The following RIPOR2 variants were observed in gnomAD, a reference collection of about 807,000 sequenced individuals.
RIPOR2 encodes RHO family interacting cell polarization regulator 2.
In RIPOR2, 39 loss-of-function variants were observed where a neutral mutation model predicts 114.5. That is an observed-to-expected ratio of 0.34 (90% CI 0.26 to 0.44). The LOEUF (loss-of-function observed/expected upper bound fraction) is 0.44, where lower values mean the gene tolerates loss of function less well. Ranked by LOEUF, RIPOR2 falls within the 20% of genes least tolerant of loss-of-function variation. The pLI is 1.00. For missense variants in RIPOR2, 1,007 were observed against 1,255.1 expected (o/e 0.80, Z 2.99); for synonymous variants, 445 against 484.4 (o/e 0.92, Z 1.07).
At chr6:24,931,315 G>A (rs1771376484) in intron 1 of RIPOR2, among the ~76,000 whole-genome samples, 1 of 152,122 alleles carries the variant, frequency 6.6e-6, no homozygotes, top group African/African-American at 2.4e-5. Context: ...TGTGTTAAGT[G>A]TTTTGTAGTC....
At chr6:25,000,391 G>A (rs1168447736) in intron 1 of RIPOR2, among the ~76,000 whole-genome samples, 1 of 152,170 alleles carries the variant, frequency 6.6e-6, no homozygotes, top group African/African-American at 2.4e-5. Flanking sequence ...AGGGCAGGGA[G>A]TGTATCCTGT....
intron 1 of RIPOR2, among the ~76,000 whole-genome samples, chr6:25,021,777 C>A (rs769117678): frequency 2.0e-4 from 31 of 152,182 alleles, no homozygotes; most frequent in Non-Finnish European, 4.6e-4. Context: ...TCCCAAAAAA[C>A]CTATAGAATT....
intron 1 of RIPOR2, among the ~76,000 whole-genome samples, chr6:25,004,159 A>G (rs1206523650): frequency 1.3e-5 from 2 of 152,230 alleles, no homozygotes; most frequent in African/African-American, 4.8e-5. Flanking sequence ...ACCTCAAAAA[A>G]GCACTAAATC....
intron 1 of RIPOR2, among the ~76,000 whole-genome samples, chr6:24,965,126 A>T (rs184935986): frequency 3.6e-3 from 194 of 54,010 alleles, no homozygotes; most frequent in African/African-American, 6.2e-3. Context: ...TCTGAGCTAC[A>T]TTTTTTTATT....
chr6:24,861,799 A>T (rs907320091), intron 7 of RIPOR2, among the ~76,000 whole-genome samples: 2 of 152,254 alleles, frequency 1.3e-5, no homozygotes, highest in Admixed American at 6.5e-5. Flanking sequence ...ATTTGATCAT[A>T]TGAGAGAGAG....
At chr6:24,909,520 G>C (rs1769336408) in intron 1 of RIPOR2, among the ~76,000 whole-genome samples, 1 of 151,944 alleles carries the variant, frequency 6.6e-6, no homozygotes, top group Non-Finnish European at 1.5e-5. Flanking sequence ...GAAGGAGGTG[G>C]GTACACTCTC....
intron 1 of RIPOR2, among the ~76,000 whole-genome samples, chr6:24,946,208 A>G (rs1041632784): frequency 1.6e-4 from 24 of 151,686 alleles, no homozygotes; most frequent in Non-Finnish European, 3.5e-4. Flanking sequence ...TCAGCCTCCC[A>G]AATAGCTGGG....
chr6:24,994,547 C>T lies in RIPOR2; in HGVS notation c.76+47304G>A, dbSNP rs140273622. On this transcript the variant is annotated intron_variant, in intron 1 of 13. Coordinates refer to the RIPOR2 transcript ENST00000510784. ...CCATTGCTGCTCCCTAGCCCACTTT[C>T]GATTTTTCTACCTTTATTCTCACCT... Among the ~76,000 whole-genome samples the T allele has an allele frequency of 1.1e-3, 160 of 152,276 alleles. No individual in the cohort carries two copies. In the Middle Eastern group the frequency reaches 0.014, roughly 13 times the overall value.
chr6:24,906,732 G>C (rs1350894915), intron 1 of RIPOR2, among the ~76,000 whole-genome samples: 1 of 152,132 alleles, frequency 6.6e-6, no homozygotes, highest in African/African-American at 2.4e-5. Context: ...GACCTTCCAG[G>C]CTCAAGCGAT....
At chr6:24,910,345 G>GCTCA (rs1176354385) in intron 1 of RIPOR2, among the ~76,000 whole-genome samples, 8 of 152,168 alleles carry the variant, frequency 5.3e-5, no homozygotes, top group South Asian at 4.1e-4. Context: ...GGGGGCAAAT[G>GCTCA]AAGACCCTTG....
Position 24,839,346 on chromosome 6 carries a change from G to T in RIPOR2, c.1858-74C>A, listed in dbSNP as rs1761406210. The T allele has an allele frequency of 4.1e-6, 6 of 1,464,186 alleles. No individual in the cohort carries two copies. In the South Asian group the frequency reaches 7.1e-5, roughly 17 times the overall value. 90.7% of individuals were successfully genotyped at this position (1,464,186 alleles called of 1,614,324 possible). A position where few individuals can be genotyped will look rare whatever the true frequency, so the allele number is the denominator to read the frequency against. ...GAAACCAGACACACGATGCTCAATT[G>T]GAGATGCCACACTTTTTTTTTTGTT... On this transcript the variant is annotated intron_variant, in intron 13 of 21. Coordinates refer to ENST00000643898, the MANE Select transcript of RIPOR2 (RefSeq NM_001286445.3).
At chr6:24,817,760 T>TCACGA (rs1220054851) in intron 20 of RIPOR2, among the ~76,000 whole-genome samples, 1 of 152,152 alleles carries the variant, frequency 6.6e-6, no homozygotes, top group African/African-American at 2.4e-5. Context: ...CTCTCCCTGC[T>TCACGA]CACGACACCT....
At chr6:24,945,542 A>G (rs1772362221) in intron 1 of RIPOR2, among the ~76,000 whole-genome samples, 1 of 152,224 alleles carries the variant, frequency 6.6e-6, no homozygotes, top group Admixed American at 6.5e-5. Context: ...AACAATAATT[A>G]TACATCTGTG....
chr6:24,966,883 A>G (rs900021430), intron 1 of RIPOR2, among the ~76,000 whole-genome samples: 27 of 152,322 alleles, frequency 1.8e-4, no homozygotes, highest in Admixed American at 1.7e-3. Flanking sequence ...AGTATCCGCT[A>G]TATGATAAGA....
intron 1 of RIPOR2, among the ~76,000 whole-genome samples, chr6:25,021,074 G>A (rs565066882): frequency 1.4e-4 from 22 of 152,132 alleles, no homozygotes; most frequent in Non-Finnish European, 3.2e-4. Context: ...GGCCAGGCTG[G>A]TCTCGAACTC....
exon 1 of RIPOR2, chr6:25,041,865 C>T: frequency 1.4e-6 from 1 of 702,870 alleles, no homozygotes; most frequent in East Asian, 2.7e-5. Context: ...GAGCTGGCGC[C>T]TCCGGATCCT....
At chr6:24,865,188 C>G in intron 7 of RIPOR2, 113 bp downstream of exon 7, 1 of 837,210 alleles carries the variant, frequency 1.2e-6, no homozygotes, top group Non-Finnish European at 1.8e-6. Flanking sequence ...ACCTATCTTT[C>G]TAGAGGGTGG....
At chr6:25,030,047 C>T (rs953649109) in intron 1 of RIPOR2, among the ~76,000 whole-genome samples, 1 of 152,034 alleles carries the variant, frequency 6.6e-6, no homozygotes, top group Non-Finnish European at 1.5e-5. Context: ...CTTAGCATGA[C>T]AGGACCGTTA....
chr6:24,839,935 C>CTTTTTTTTTTTT lies in RIPOR2; in HGVS notation c.1858-675_1858-664dup, dbSNP rs760508182. On this transcript the variant is annotated intron_variant, in intron 13 of 21. Transcript: ENST00000643898. ...GTTCCCTAGGTAAGAAGCCCTGCAT[C>CTTTTTTTTTTTT]TTTTTTTTTTTTTTTTTTTTTTTTT... 6.7e-5 allele frequency: 23 copies of CTTTTTTTTTTTT among 344,476 alleles called. 3 individuals are homozygous for CTTTTTTTTTTTT. Among genetic ancestry groups the CTTTTTTTTTTTT allele is most frequent in the African/African-American group, 6.6e-4 (12 of 18,212 alleles). The allele number at this position is 344,476 out of a possible 1,614,324, so 21.3% of individuals were successfully genotyped here.
Sources: allele counts gnomAD v4.1 joint callset (sites outside exome capture counted in the v4.1 genomes callset), GRCh38; gene constraint gnomAD v4.1.1; transcripts MANE v1.5; gene names NCBI Gene and HGNC (gene_info 2026-07-23, HGNC 2026-07-21).